Variants in FOXF1 observed in about 807,000 individuals in gnomAD.
FOXF1 encodes the protein forkhead box F1.
A neutral mutation model predicts 26.6 loss-of-function variants in FOXF1; 9 were observed. The observed-to-expected ratio is 0.34, with a 90% CI of 0.20 to 0.59. The LOEUF (loss-of-function observed/expected upper bound fraction) is 0.59. Among genes scored for constraint, FOXF1 ranks in the 20% least tolerant of loss-of-function variants. The probability of loss-of-function intolerance (pLI) is 0.83; values close to 1 mark genes in which losing one functional copy is unlikely to be tolerated. For synonymous variants in FOXF1, 330 were observed against 257.7 expected (o/e 1.28, Z -2.69); for missense variants, 499 against 549.9 (o/e 0.91, Z 0.93).
rs1175919934 is a variant in FOXF1, at chr16:86,511,266, G to C, written c.697G>C (p.Ala233Pro). The C allele has an allele frequency of 1.3e-6, 2 of 1,519,922 alleles. No individual in the cohort carries two copies. Among genetic ancestry groups the C allele is most frequent in the Non-Finnish European group, 1.8e-6 (2 of 1,140,604 alleles). 94.2% of individuals were successfully genotyped at this position (1,519,922 alleles called of 1,614,324 possible). Residue 233 changes from alanine to proline, a missense_variant, in exon 1 of 2, where the codon GCC (alanine) becomes CCC (proline). By Grantham distance (27) the Ala-to-Pro change is conservative. Transcript: ENST00000262426. ...CATGGGCGGCTGCGGCGGCGCGGCG[G>C]CCGGCGAGTACCCGCACCACGACAG... ...SYMGGCGGAA[A>P]GEYPHHDSSV...
rs1016035910 is a variant in FOXF1, at chr16:86,511,410, G to A, written c.841G>A (p.Gly281Ser). The change falls in exon 1 of 2, where the codon GGC becomes AGC. Residue 281 changes from glycine (G) to serine (S), a missense_variant. By Grantham distance (56) the Gly-to-Ser change is moderately conservative (BLOSUM62 0). Transcript: ENST00000262426. ...PPSASAALNS[G>S]ASYIKQQPLS... ...CTCGGCGTCCGCGGCGCTCAACAGC[G>A]GCGCCTCTTATATCAAGCAGCAGCC... 1.3e-6 allele frequency: 2 copies of A among 1,592,334 alleles called. No individual in the cohort carries two copies. Among genetic ancestry groups the A allele is most frequent in the African/African-American group, 1.3e-5 (1 of 74,802 alleles).
chr16:86,513,285 A>G lies in FOXF1; in HGVS notation c.*200A>G. The G allele has an allele frequency of 3.4e-6, 2 of 595,730 alleles. No homozygotes were observed. The highest frequency in any genetic ancestry group is 2.0e-5 in the South Asian group (1 of 50,646). The allele number at this position is 595,730 out of a possible 1,614,324, so 36.9% of individuals were successfully genotyped here. A position where few individuals can be genotyped will look rare whatever the true frequency, so the allele number is the denominator to read the frequency against. On this transcript the variant is annotated 3_prime_UTR_variant, in exon 2 of 2. Transcript: ENST00000262426. ...TGGCACCTCCTTCCTCACTCCTTCA[A>G]AATTGTTAAGAAATGTTAGTGGTGG...
intron 1 of FOXF1, among the ~76,000 whole-genome samples, chr16:86,511,928 C>T (rs979418879): frequency 3.3e-5 from 5 of 152,198 alleles, no homozygotes; most frequent in African/African-American, 4.8e-5. Context: ...GGCCAGATGG[C>T]TGTCCCTCCC....
At chr16:86,512,435 A>C (rs935759213) in intron 1 of FOXF1, among the ~76,000 whole-genome samples, 1 of 151,618 alleles carries the variant, frequency 6.6e-6, no homozygotes, top group African/African-American at 2.4e-5. Flanking sequence ...TCTGCGGGGG[A>C]CTCCCCGGCT....
chr16:86,513,644 C>T lies in FOXF1; in HGVS notation c.*559C>T, dbSNP rs893482367. Reference sequence around the variant, plus strand: ...GTGACAAGAGCTCAGATCTCCCTCCCGATCTCCCTCCCCACCTCCGAAGTC... The same window carrying T: ...GTGACAAGAGCTCAGATCTCCCTCCTGATCTCCCTCCCCACCTCCGAAGTC... On this transcript the variant is annotated 3_prime_UTR_variant, in exon 2 of 2. Coordinates refer to ENST00000262426, the MANE Select transcript of FOXF1 (RefSeq NM_001451.3). 5 of 153,538 alleles carry T rather than the reference C, an allele frequency of 3.3e-5. No homozygotes were observed. Among genetic ancestry groups the T allele is most frequent in the Non-Finnish European group, 7.2e-5 (5 of 69,028 alleles). The allele number at this position is 153,538 out of a possible 1,614,324, so 9.5% of individuals were successfully genotyped here.
chr16:86,515,325 T>C lies in FOXF1; in HGVS notation c.*2240T>C, dbSNP rs187794424. The C allele has an allele frequency of 6.6e-6, 1 of 152,274 alleles. No homozygotes were observed. The highest frequency in any genetic ancestry group is 6.5e-5 in the Admixed American group (1 of 15,304). 9.4% of individuals were successfully genotyped at this position (152,274 alleles called of 1,614,324 possible). The stretch of plus-strand genomic sequence containing the variant: ...CGTGAGTCTCTGAACCTGGTTCTTC[T>C]CAGAGTTGACATTTTGGACGTGGGG... On this transcript the variant is annotated 3_prime_UTR_variant, in exon 2 of 2. Transcript: ENST00000262426. The surrounding 1 kb of genome is among the most constrained non-coding windows in gnomAD (Gnocchi z 4.1).
Position 86,514,034 on chromosome 16 carries a change from C to T in FOXF1, c.*949C>T, listed in dbSNP as rs1969609741. 1 of 152,202 alleles carries T rather than the reference C, an allele frequency of 6.6e-6. No homozygotes were observed. The highest frequency in any genetic ancestry group is 1.5e-5 in the Non-Finnish European group (1 of 68,040). The allele number at this position is 152,202 out of a possible 1,614,324, so 9.4% of individuals were successfully genotyped here. ...CACTTTTAAAAACTATAGCAAGGCT[C>T]CTGTTTATTTATTCTACTTTCTTTC... On this transcript the variant is annotated 3_prime_UTR_variant, in exon 2 of 2. Coordinates refer to ENST00000262426, the MANE Select transcript of FOXF1 (RefSeq NM_001451.3).
rs1044393166 is a variant in FOXF1 at position 86,514,419 on chromosome 16, C to T, written c.*1334C>T. 3.6e-4 allele frequency: 54 copies of T among 151,990 alleles called. No homozygotes were observed. Among genetic ancestry groups the T allele is most frequent in the African/African-American group, 1.2e-3 (50 of 41,454 alleles). 9.4% of individuals were successfully genotyped at this position (151,990 alleles called of 1,614,324 possible). Reference sequence around the variant, plus strand: ...AAAAATGTATAACATTTGTACATGGCCTTTAAAATTGTATCAACTAGAAAT... The same window carrying T: ...AAAAATGTATAACATTTGTACATGGTCTTTAAAATTGTATCAACTAGAAAT... On this transcript the variant is annotated 3_prime_UTR_variant, in exon 2 of 2. Coordinates refer to ENST00000262426, the MANE Select transcript of FOXF1 (RefSeq NM_001451.3).
Position 86,510,620 on chromosome 16 carries a change from CGGCGGCGGGGGA to C in FOXF1, c.59_70del (p.Gly20_Gly23del). 7.2e-7 allele frequency: 1 copy of C among 1,395,394 alleles called. No homozygotes were observed. Among genetic ancestry groups the C allele is most frequent in the Non-Finnish European group, 9.2e-7 (1 of 1,083,470 alleles). The allele number at this position is 1,395,394 out of a possible 1,614,324, so 86.4% of individuals were successfully genotyped here. On this transcript the variant is annotated inframe_deletion, in exon 1 of 2. Coordinates refer to ENST00000262426, the MANE Select transcript of FOXF1 (RefSeq NM_001451.3). ...AGCCACCGCACGGCGGCGGCGGCGGCGGCGGCGGGGGAGGCGGCGCGGCCATGGACCCCGCGT... is the reference window on the plus strand; with the variant it reads ...AGCCACCGCACGGCGGCGGCGGCGGCGGCGGCGCGGCCATGGACCCCGCGT...
chr16:86,511,736 T>C (rs371041766), intron 1 of FOXF1, among the ~76,000 whole-genome samples, 188 bp downstream of exon 1: 3 of 152,308 alleles, frequency 2.0e-5, no homozygotes, highest in African/African-American at 7.2e-5. Flanking sequence ...CTCTTGACCC[T>C]AGTTTGGGCC....
At position 86,511,435 on chromosome 16, in the gene FOXF1, C is replaced by T. The variant is rs1229042995; in HGVS notation, c.866C>T (p.Pro289Leu). 1.3e-6 allele frequency: 2 copies of T among 1,594,982 alleles called. No homozygotes were observed. Among genetic ancestry groups the T allele is most frequent in the Non-Finnish European group, 1.7e-6 (2 of 1,178,612 alleles). ...GGCGCCTCTTATATCAAGCAGCAGC[C>T]CCTGTCCCCCTGTAACCCCGCGGCC... The part of the protein sequence containing the change: ...NSGASYIKQQ[P>L]LSPCNPAANP... The change falls in exon 1 of 2, where the codon CCC becomes CTC. Residue 289 changes from proline (P) to leucine (L), a missense_variant. Coordinates refer to ENST00000262426, the MANE Select transcript of FOXF1 (RefSeq NM_001451.3).
chr16:86,512,941 C>G lies in FOXF1; in HGVS notation c.996C>G (p.His332Gln), dbSNP rs754098646. The G allele has an allele frequency of 1.2e-6, 2 of 1,614,154 alleles. No individual in the cohort carries two copies. Among genetic ancestry groups the G allele is most frequent in the South Asian group, 2.2e-5 (2 of 91,070 alleles). ...PAELQGIPRY[H>Q]SQSPSMCDRK... ...GCCTTGCAGGCATCCCGCGGTATCA[C>G]TCGCAGTCGCCCAGCATGTGTGACC... Residue 332 changes from histidine to glutamine, a missense_variant, in exon 2 of 2, where the codon CAC becomes CAG. His to Gln is a conservative substitution (Grantham distance 24). Transcript: ENST00000262426.
In FOXF1 at chr16:86,511,168, C is replaced by T. The variant is rs768961186; in HGVS notation, c.599C>T (p.Pro200Leu). ...GGLGMMNGHL[P>L]GNVDGMALPS... Reference sequence around the variant, plus strand: ...CTGGGCATGATGAACGGCCACTTGCCGGGCAACGTGGACGGCATGGCCCTG... The same window carrying T: ...CTGGGCATGATGAACGGCCACTTGCTGGGCAACGTGGACGGCATGGCCCTG... The change falls in exon 1 of 2, where the codon CCG becomes CTG. Residue 200 changes from proline (P) to leucine (L), a missense_variant. Physicochemically the swap from Pro to Leu is moderately conservative, Grantham distance 98. Coordinates refer to ENST00000262426, the MANE Select transcript of FOXF1 (RefSeq NM_001451.3). 5 of 1,588,624 alleles carry T rather than the reference C, an allele frequency of 3.1e-6. No individual in the cohort carries two copies. Among genetic ancestry groups the T allele is most frequent in the Non-Finnish European group, 4.3e-6 (5 of 1,174,980 alleles).
rs1969557916 is a variant in FOXF1 at position 86,511,242 on chromosome 16, A to G, written c.673A>G (p.Met225Val). ...GCCTTCCAACGGCGGCCACTCGTAC[A>G]TGGGCGGCTGCGGCGGCGCGGCGGC... Reference protein sequence around the residue: ...HLPSNGGHSYMGGCGGAAAGE... With the variant: ...HLPSNGGHSYVGGCGGAAAGE... The change falls in exon 1 of 2, where the codon ATG becomes GTG. Residue 225 changes from methionine to valine, a missense_variant. Transcript: ENST00000262426. 1 of 1,526,294 alleles carries G rather than the reference A, an allele frequency of 6.6e-7. No individual in the cohort carries two copies. The highest frequency in any genetic ancestry group is 1.4e-5 in the African/African-American group (1 of 72,196). 94.5% of individuals were successfully genotyped at this position (1,526,294 alleles called of 1,614,324 possible). A position where few individuals can be genotyped will look rare whatever the true frequency, so the allele number is the denominator to read the frequency against.
chr16:86,513,892 CA>C lies in FOXF1; in HGVS notation c.*809del, dbSNP rs1969607466. On this transcript the variant is annotated 3_prime_UTR_variant, in exon 2 of 2. Coordinates refer to ENST00000262426, the MANE Select transcript of FOXF1 (RefSeq NM_001451.3). ...TTTCAGTGGGTATTTTTCTGTCTCC[CA>C]ACCTCTACTGTAAACTTTCTGGTCC... The C allele has an allele frequency of 6.6e-6, 1 of 152,242 alleles. No homozygotes were observed. Among genetic ancestry groups the C allele is most frequent in the Non-Finnish European group, 1.5e-5 (1 of 68,064 alleles). The allele number at this position is 152,242 out of a possible 1,614,324, so 9.4% of individuals were successfully genotyped here.
rs1049683898 is a variant in FOXF1, at chr16:86,513,192, G to C, written c.*107G>C. On this transcript the variant is annotated 3_prime_UTR_variant, in exon 2 of 2. Transcript: ENST00000262426. ...AGGTATAACCGTCGGCAGAAGAAAA[G>C]GGTTCCACCTCTCCCCAACCGGAGT... 3.2e-6 allele frequency: 4 copies of C among 1,235,704 alleles called. No individual in the cohort carries two copies. Among genetic ancestry groups the C allele is most frequent in the African/African-American group, 1.5e-5 (1 of 67,032 alleles). 76.5% of individuals were successfully genotyped at this position (1,235,704 alleles called of 1,614,324 possible).
chr16:86,512,838 C>A, intron 1 of FOXF1, 87 bp from the exon 2 acceptor site: 1 of 1,504,260 alleles, frequency 6.6e-7, no homozygotes, highest in Non-Finnish European at 9.2e-7. Flanking sequence ...GTGCGCCCCA[C>A]GGGAGCACTG....
chr16:86,511,019 G>A lies in FOXF1; in HGVS notation c.450G>A (p.Ala150=). The A allele has an allele frequency of 6.2e-7, 1 of 1,612,292 alleles. No homozygotes were observed. The highest frequency in any genetic ancestry group is 8.5e-7 in the Non-Finnish European group (1 of 1,179,964). The change falls in exon 1 of 2, where the codon GCG becomes GCA. Residue 150 remains alanine (A), a synonymous_variant. Coordinates refer to ENST00000262426, the MANE Select transcript of FOXF1 (RefSeq NM_001451.3). ...GCGGCTTCCGAAGGAAATGCCAGGCGCTCAAGCCCATGTACAGCATGATGA... is the reference window on the plus strand; with the variant it reads ...GCGGCTTCCGAAGGAAATGCCAGGCACTCAAGCCCATGTACAGCATGATGA... The part of the protein sequence containing the change: ...RPRGFRRKCQ[A]LKPMYSMMNG...
Position 86,514,342 on chromosome 16 carries a change from T to C in FOXF1, c.*1257T>C, listed in dbSNP as rs1324234883. 6.6e-6 allele frequency: 1 copy of C among 152,060 alleles called. No homozygotes were observed. Among genetic ancestry groups the C allele is most frequent in the Non-Finnish European group, 1.5e-5 (1 of 68,014 alleles). 9.4% of individuals were successfully genotyped at this position (152,060 alleles called of 1,614,324 possible). A position where few individuals can be genotyped will look rare whatever the true frequency, so the allele number is the denominator to read the frequency against. ...CCTTCTGCACTGTATAAAAGGACCA[T>C]TTGAGGATGTTTTGCCTTTTGTGTA... On this transcript the variant is annotated 3_prime_UTR_variant, in exon 2 of 2. Transcript: ENST00000262426.
Sources: allele counts gnomAD v4.1 joint callset (sites outside exome capture counted in the v4.1 genomes callset), GRCh38; gene constraint gnomAD v4.1.1; non-coding constraint Gnocchi (gnomAD v3.1); transcripts MANE v1.5; gene names NCBI Gene and HGNC (gene_info 2026-07-23, HGNC 2026-07-21).